The following MYO7B variants were observed in gnomAD, a reference collection of about 807,000 sequenced individuals.
MYO7B encodes myosin VIIB.
MYO7B carries 212 observed loss-of-function variants against 259.7 expected under a neutral mutation model. That is an observed-to-expected ratio of 0.82 (90% CI 0.73 to 0.91). MYO7B has a LOEUF of 0.91. Among genes scored for constraint, MYO7B ranks in the 40% least tolerant of loss-of-function variants. The pLI, the probability that MYO7B is intolerant of heterozygous loss-of-function variation, is 0.00. For missense variants in MYO7B, 2,732 were observed against 2,813.5 expected (o/e 0.97, Z 0.66); for synonymous variants, 1,197 against 1,166.4 (o/e 1.03, Z -0.54).
intron 6 of MYO7B, among the ~76,000 whole-genome samples, chr2:127,571,450 T>TTTG (rs1553448486): frequency 1.3e-4 from 18 of 141,274 alleles, no homozygotes; most frequent in African/African-American, 1.8e-4. Context: ...GAGTTTTTTT[T>TTTG]TTTTTTTTTG....
In MYO7B at chr2:127,593,490, G is replaced by A. The variant is rs183227795; in HGVS notation, c.2146-56G>A. The A allele has an allele frequency of 3.8e-3, 5,736 of 1,526,348 alleles. 19 individuals carry two copies. Among genetic ancestry groups the A allele is most frequent in the Non-Finnish European group, 4.6e-3 (5,110 of 1,115,438 alleles). 94.6% of individuals were successfully genotyped at this position (1,526,348 alleles called of 1,614,324 possible). On this transcript the variant is annotated intron_variant, in intron 17 of 47. Coordinates refer to ENST00000409816, the MANE Select transcript of MYO7B (RefSeq NM_001393586.1). ...AGGAGGGAGACACCACCCCCAGAGA[G>A]CCGCCGAGGGGTCTCTGCCCCACCT...
intron 5 of MYO7B, among the ~76,000 whole-genome samples, 190 bp from the exon 6 acceptor site, chr2:127,569,599 C>T (rs1341881291): frequency 6.6e-6 from 1 of 152,120 alleles, no homozygotes; most frequent in Non-Finnish European, 1.5e-5. Context: ...AACACAATAA[C>T]ATGTACAACA....
intron 43 of MYO7B, 74 bp downstream of exon 43, chr2:127,635,300 C>T: frequency 7.1e-7 from 1 of 1,404,816 alleles, no homozygotes; most frequent in Non-Finnish European, 9.9e-7. Context: ...GCTGTAGAAG[C>T]CAGCAGGCCA....
At chr2:127,582,515 G>C in intron 12 of MYO7B, 69 bp downstream of exon 12, 2 of 1,555,674 alleles carry the variant, frequency 1.3e-6, no homozygotes, top group Non-Finnish European at 1.7e-6. Context: ...CTCTCGAAGG[G>C]GGCAAGTTGG....
chr2:127,634,902 G>A (rs143070184), intron 42 of MYO7B: 5 of 636,814 alleles, frequency 7.9e-6, no homozygotes, highest in Admixed American at 2.6e-5. Context: ...CAGGGCTGAG[G>A]GGCATGACCC....
rs1379599564 is a variant in MYO7B, at chr2:127,627,233, G to A, written c.4383G>A (p.Gly1461=). ...TQLILAVNWK[G]LCFLDQQEKM... ...TGATCTTGGCTGTTAACTGGAAGGG[G>A]CTTTGCTTCCTGGACCAGCAGGAGA... The change falls in exon 33 of 48, where the codon GGG becomes GGA. Residue 1461 remains glycine, a synonymous_variant. Coordinates refer to ENST00000409816, the MANE Select transcript of MYO7B (RefSeq NM_001393586.1). The surrounding 1 kb of genome is among the most constrained non-coding windows in gnomAD (Gnocchi z 5.6). 1.2e-6 allele frequency: 2 copies of A among 1,611,250 alleles called. No individual in the cohort carries two copies. Among genetic ancestry groups the A allele is most frequent in the East Asian group, 2.2e-5 (1 of 44,818 alleles).
intron 16 of MYO7B, 128 bp from the exon 17 acceptor site, chr2:127,592,664 GGT>G: frequency 8.3e-7 from 1 of 1,201,464 alleles, no homozygotes; most frequent in Non-Finnish European, 1.2e-6. Flanking sequence ...GGACAGTGGG[GGT>G]GGGCGGGGCG....
At position 127,564,140 on chromosome 2, in the gene MYO7B, G is replaced by C. The variant is rs1678223668; in HGVS notation, c.19-13G>C. On this transcript the variant is annotated splice_polypyrimidine_tract_variant and intron_variant, in intron 2 of 47. Coordinates refer to ENST00000409816, the MANE Select transcript of MYO7B (RefSeq NM_001393586.1). ...AGCGGGGATCACACCACTGTCTTCT[G>C]TCTGCCCTCCAGGGTGACCACGTGT... 3 of 1,527,146 alleles carry C rather than the reference G, an allele frequency of 2.0e-6. No individual in the cohort carries two copies. The highest frequency in any genetic ancestry group is 4.9e-5 in the East Asian group (2 of 40,888). The allele number at this position is 1,527,146 out of a possible 1,614,324, so 94.6% of individuals were successfully genotyped here.
At position 127,561,022 on chromosome 2, in the gene MYO7B, C is replaced by T. The variant is rs188480900; in HGVS notation, c.18+1282C>T. Among the ~76,000 whole-genome samples, 46 of 152,192 alleles carry T rather than the reference C, an allele frequency of 3.0e-4. 1 individual carries two copies. In the Middle Eastern group the frequency reaches 0.017, roughly 56 times the overall value. ...ATGGTCTAAAAGGTCAGGTTGTGAG[C>T]GCTTCTGGTAACTAAGTTGCAAACA... On this transcript the variant is annotated intron_variant, in intron 2 of 47. Transcript: ENST00000409816.
intron 5 of MYO7B, 63 bp downstream of exon 5, chr2:127,566,890 C>T: frequency 6.5e-7 from 1 of 1,527,696 alleles, no homozygotes; most frequent in South Asian, 1.2e-5. Context: ...CACCAGCATG[C>T]CTGCAAGATC....
rs61738426 is a variant in MYO7B at position 127,580,768 on chromosome 2, C to G, written c.1026C>G (p.Asp342Glu). The G allele has an allele frequency of 3.1e-6, 5 of 1,613,464 alleles. No individual in the cohort carries two copies. The South Asian group carries it at 5.5e-5, about 18-fold the overall frequency. Reference sequence around the variant, plus strand: ...TAGCTTCGGTCTTCGAGAACCTGGACGCCTCAGACGTGATGGAGACGCCCG... The same window carrying G: ...TAGCTTCGGTCTTCGAGAACCTGGAGGCCTCAGACGTGATGGAGACGCCCG... ...GFMASVFENL[D>E]ASDVMETPAF... The change falls in exon 10 of 48, where the codon GAC (aspartate) becomes GAG (glutamate). Residue 342 changes from aspartate (D) to glutamate (E), a missense_variant. Around this residue, in one of 3 missense-constraint regions of MYO7B, gnomAD observed 1,906 missense variants for 2,026.4 expected, o/e 0.94. Coordinates refer to ENST00000409816, the MANE Select transcript of MYO7B (RefSeq NM_001393586.1).
chr2:127,629,223 C>T (rs940947125), intron 34 of MYO7B, among the ~76,000 whole-genome samples: 1 of 152,196 alleles, frequency 6.6e-6, no homozygotes, highest in African/African-American at 2.4e-5. Context: ...CCTATCGCCC[C>T]ATTCAGTCCT....
chr2:127,610,813 G>A (rs531705841), intron 24 of MYO7B, among the ~76,000 whole-genome samples: 1 of 152,212 alleles, frequency 6.6e-6, no homozygotes, highest in Non-Finnish European at 1.5e-5. Flanking sequence ...CCATCACATG[G>A]CCAACCTTGT....
At position 127,628,115 on chromosome 2, in the gene MYO7B, C is replaced by T; in HGVS notation, c.4461-257C>T. ...AGTGTCCCTGCGGTGTCACTGCACACCAGCCACCTCATTATCTGCCCACAG... is the reference window on the plus strand; with the variant it reads ...AGTGTCCCTGCGGTGTCACTGCACATCAGCCACCTCATTATCTGCCCACAG... On this transcript the variant is annotated intron_variant, in intron 33 of 47. Transcript: ENST00000409816. This position sits in a 1 kb window ranked among gnomAD's most constrained non-coding sequence, Gnocchi z 4.8. 1.5e-6 allele frequency: 1 copy of T among 646,350 alleles called. No homozygotes were observed. Among genetic ancestry groups the T allele is most frequent in the African/African-American group, 1.8e-5 (1 of 56,000 alleles). The allele number at this position is 646,350 out of a possible 1,614,324, so 40.0% of individuals were successfully genotyped here.
rs1573666377 is a variant in MYO7B at position 127,592,995 on chromosome 2, C to T, written c.2145+49C>T. On this transcript the variant is annotated intron_variant, in intron 17 of 47. Transcript: ENST00000409816. ...ACCTCTGGCCATCCGCGGCCTTCCC[C>T]TCGGCCTTGGCACCTCCAGCCCCCA... 1.3e-5 allele frequency: 19 copies of T among 1,409,636 alleles called. No individual in the cohort carries two copies. In the East Asian group the frequency reaches 5.3e-4, roughly 39 times the overall value. 87.3% of individuals were successfully genotyped at this position (1,409,636 alleles called of 1,614,324 possible).
chr2:127,547,716 A>G (rs895335769), intron 1 of MYO7B, among the ~76,000 whole-genome samples: 47 of 152,304 alleles, frequency 3.1e-4, no homozygotes, highest in African/African-American at 1.1e-3. Flanking sequence ...GGATGCTTCC[A>G]ACCTCCCAAG....
At position 127,580,759 on chromosome 2, in the gene MYO7B, G is replaced by C. The variant is rs754605936; in HGVS notation, c.1017G>C (p.Glu339Asp). 7 of 1,613,190 alleles carry C rather than the reference G, an allele frequency of 4.3e-6. No individual in the cohort carries two copies. In the African/African-American group the frequency reaches 9.3e-5, roughly 22 times the overall value. ...GNVGFMASVFENLDASDVMET... is the reference protein window; with the variant it reads ...GNVGFMASVFDNLDASDVMET... ...TTCTCTCTCTAGCTTCGGTCTTCGAGAACCTGGACGCCTCAGACGTGATGG... is the reference window on the plus strand; with the variant it reads ...TTCTCTCTCTAGCTTCGGTCTTCGACAACCTGGACGCCTCAGACGTGATGG... The change falls in exon 10 of 48, where the codon GAG (glutamate) becomes GAC (aspartate). Residue 339 changes from glutamate (E) to aspartate (D), a missense_variant. Coordinates refer to ENST00000409816, the MANE Select transcript of MYO7B (RefSeq NM_001393586.1).
intron 1 of MYO7B, among the ~76,000 whole-genome samples, chr2:127,537,778 C>T (rs575361895): frequency 5.9e-5 from 9 of 152,180 alleles, no homozygotes; most frequent in Admixed American, 2.0e-4. Flanking sequence ...ATGAGCTCCT[C>T]GAGAGCCTGG....
chr2:127,609,742 G>GC lies in MYO7B; in HGVS notation c.3024+27_3024+28insC. 1.9e-6 allele frequency: 3 copies of GC among 1,613,744 alleles called. No individual in the cohort carries two copies. The highest frequency in any genetic ancestry group is 2.5e-6 in the Non-Finnish European group (3 of 1,179,726). On this transcript the variant is annotated intron_variant, in intron 23 of 47. Transcript: ENST00000409816. The surrounding 1 kb of genome is among the most constrained non-coding windows in gnomAD (Gnocchi z 6.9). Reference sequence around the variant, plus strand: ...TACCAGGGTTCACTGGCTTCTAGTGGATCAGGCCAGCCCCGAGCCTGGGGT... The same window carrying GC: ...TACCAGGGTTCACTGGCTTCTAGTGGCATCAGGCCAGCCCCGAGCCTGGGGT...
Sources: allele counts gnomAD v4.1 joint callset (sites outside exome capture counted in the v4.1 genomes callset), GRCh38; gene constraint gnomAD v4.1.1; regional missense constraint gnomAD v4.1.1; non-coding constraint Gnocchi (gnomAD v3.1); transcripts MANE v1.5; gene names NCBI Gene and HGNC (gene_info 2026-07-23, HGNC 2026-07-21).